TMEM135: variants seen among roughly 807,000 people sequenced by gnomAD.
The protein encoded by TMEM135 is transmembrane protein 135.
In TMEM135, 30 loss-of-function variants were observed where a neutral mutation model predicts 60.3. The observed-to-expected ratio is 0.50, with a 90% CI of 0.37 to 0.68. TMEM135 has a LOEUF of 0.68. Among genes scored for constraint, TMEM135 ranks in the 30% least tolerant of loss-of-function variants. TMEM135 has a pLI of 0.00. For missense variants in TMEM135, 468 were observed against 548.8 expected, an observed-to-expected ratio of 0.85 and a Z score of 1.47; for synonymous variants, 190 against 186.7, an observed-to-expected ratio of 1.02 and a Z score of -0.14.
At position 87,191,982 on chromosome 11, in the gene TMEM135, C is replaced by CTTTTTTTTTTTTTT. The variant is rs767550753; in HGVS notation, c.462+34580_462+34581insTTTTTTTTTTTTTT. Among the ~76,000 whole-genome samples the CTTTTTTTTTTTTTT allele has an allele frequency of 3.4e-4, 32 of 93,984 alleles. 1 individual carries two copies. The highest frequency in any genetic ancestry group is 5.8e-3 in the Middle Eastern group (1 of 172). The allele number at this position is 93,984 out of a possible 152,430, so 61.7% of individuals were successfully genotyped here. A position where few individuals can be genotyped will look rare whatever the true frequency, so the allele number is the denominator to read the frequency against. On this transcript the variant is annotated intron_variant, in intron 5 of 14. Coordinates refer to ENST00000305494, the MANE Select transcript of TMEM135 (RefSeq NM_022918.4). ...CTATTTCTTTTGTTTCTTTTCTTTT[C>CTTTTTTTTTTTTTT]TTTTCTTTTTTTTTTTTTTTTTTCG...
intron 5 of TMEM135, among the ~76,000 whole-genome samples, chr11:87,223,328 C>A (rs571038890): frequency 5.5e-5 from 8 of 146,188 alleles, no homozygotes; most frequent in African/African-American, 1.6e-4. Flanking sequence ...CCATGCCCAG[C>A]TAATTTTTTT....
rs1009266328 is a variant in TMEM135, at chr11:87,286,553, G to A, written c.510-9229G>A. The stretch of plus-strand genomic sequence containing the variant: ...CAGCCCTTAGGCGGTCGATGGGACC[G>A]GGGGCCACAGAGCAGGGGGCGGCGC... On this transcript the variant is annotated intron_variant, in intron 6 of 14. Coordinates refer to ENST00000305494, the MANE Select transcript of TMEM135 (RefSeq NM_022918.4). 9.8e-5 allele frequency among the ~76,000 whole-genome samples: 15 copies of A among 152,344 alleles called. No individual in the cohort carries two copies. The East Asian group carries it at 2.3e-3, about 23-fold the overall frequency.
At chr11:87,301,699 G>A in intron 7 of TMEM135, among the ~76,000 whole-genome samples, 1 of 152,198 alleles carries the variant, frequency 6.6e-6, no homozygotes, top group East Asian at 1.9e-4. Flanking sequence ...GGTGTAAACA[G>A]TGATACTGCA....
chr11:87,100,614 G>A (rs1281047649), intron 4 of TMEM135, among the ~76,000 whole-genome samples: 1 of 151,984 alleles, frequency 6.6e-6, no homozygotes, highest in Non-Finnish European at 1.5e-5. Flanking sequence ...AAAGTCATCT[G>A]TATTTTGGAG....
chr11:87,248,104 TG>T (rs2135387771), intron 6 of TMEM135, among the ~76,000 whole-genome samples: 1 of 152,290 alleles, frequency 6.6e-6, no homozygotes, highest in East Asian at 1.9e-4. Flanking sequence ...CATGTGTTGA[TG>T]GGAACTTATA....
intron 6 of TMEM135, among the ~76,000 whole-genome samples, chr11:87,284,088 T>A (rs1052682239): frequency 4.6e-5 from 7 of 151,000 alleles, no homozygotes; most frequent in Non-Finnish European, 3.0e-5. Context: ...TGCTAAATTT[T>A]TCCTTGGATT....
chr11:87,182,786 CTT>C (rs990435829), intron 5 of TMEM135, among the ~76,000 whole-genome samples: 22 of 151,936 alleles, frequency 1.4e-4, no homozygotes, highest in Admixed American at 6.6e-5. Context: ...ATAGATCTCA[CTT>C]TTAAAATTGT....
rs1272154311 is a variant in TMEM135 at position 87,049,862 on chromosome 11, C to T, written c.141+11676C>T. Among the ~76,000 whole-genome samples the T allele has an allele frequency of 6.1e-5, 7 of 115,310 alleles. 1 individual carries two copies. Among genetic ancestry groups the T allele is most frequent in the Non-Finnish European group, 8.9e-5 (5 of 56,458 alleles). 75.6% of individuals were successfully genotyped at this position (115,310 alleles called of 152,430 possible). On this transcript the variant is annotated intron_variant, in intron 1 of 14. Transcript: ENST00000305494. ...CTCCACCCCAAATCAACACAATATA[C>T]ATTTTTTTGAGCACCACACCACACC...
intron 4 of TMEM135, among the ~76,000 whole-genome samples, chr11:87,097,304 T>C (rs1022474538): frequency 1.3e-5 from 2 of 152,124 alleles, no homozygotes; most frequent in African/African-American, 2.4e-5. Flanking sequence ...GTTGCCACTC[T>C]TTTAATGAGC....
intron 4 of TMEM135, among the ~76,000 whole-genome samples, chr11:87,156,070 A>T (rs1320519836): frequency 6.6e-6 from 1 of 152,178 alleles, no homozygotes; most frequent in African/African-American, 2.4e-5. Context: ...TAAGCCTGTG[A>T]GGACAGTTTC....
At chr11:87,224,561 T>A (rs1940725438) in intron 5 of TMEM135, among the ~76,000 whole-genome samples, 1 of 152,180 alleles carries the variant, frequency 6.6e-6, no homozygotes, top group Non-Finnish European at 1.5e-5. Flanking sequence ...TTATTCTTAC[T>A]TGAGGTTAAT....
chr11:87,063,469 ATG>A (rs1949968335), intron 1 of TMEM135, among the ~76,000 whole-genome samples: 1 of 152,256 alleles, frequency 6.6e-6, no homozygotes, highest in Non-Finnish European at 1.5e-5. Flanking sequence ...GATTTTATAC[ATG>A]AGTGCAAGTG....
At chr11:87,204,859 G>C (rs1227098033) in intron 5 of TMEM135, among the ~76,000 whole-genome samples, 3 of 152,086 alleles carry the variant, frequency 2.0e-5, no homozygotes, top group Admixed American at 1.3e-4. Flanking sequence ...TGTTGTTCAA[G>C]GGTCAACTTA....
chr11:87,264,131 A>T (rs1468336573), intron 6 of TMEM135, among the ~76,000 whole-genome samples: 1 of 151,910 alleles, frequency 6.6e-6, no homozygotes, highest in Non-Finnish European at 1.5e-5. Flanking sequence ...AAATATTTCT[A>T]ATTAGTGCTG....
At chr11:87,059,691 A>G (rs1949927625) in intron 1 of TMEM135, among the ~76,000 whole-genome samples, 1 of 152,254 alleles carries the variant, frequency 6.6e-6, no homozygotes, top group South Asian at 2.1e-4. Flanking sequence ...CAACACAAGA[A>G]GGAATTGGGG....
intron 7 of TMEM135, among the ~76,000 whole-genome samples, chr11:87,299,647 G>A (rs1055098499): frequency 5.3e-5 from 8 of 152,160 alleles, no homozygotes; most frequent in Admixed American, 4.6e-4. Flanking sequence ...GAATACACTC[G>A]GGAATGAGCC....
intron 6 of TMEM135, among the ~76,000 whole-genome samples, chr11:87,264,524 A>G (rs1461221698): frequency 6.6e-6 from 1 of 151,876 alleles, no homozygotes; most frequent in African/African-American, 2.4e-5. Context: ...TATACTTTGC[A>G]TTAGCATATG....
At chr11:87,206,512 C>G (rs11235012) in intron 5 of TMEM135, among the ~76,000 whole-genome samples, 1 of 151,542 alleles carries the variant, frequency 6.6e-6, no homozygotes, top group Non-Finnish European at 1.5e-5. Context: ...TTGAAAAAAA[C>G]AGTATAAAAA....
At chr11:87,091,925 A>G (rs1857216257) in intron 4 of TMEM135, among the ~76,000 whole-genome samples, 1 of 152,148 alleles carries the variant, frequency 6.6e-6, no homozygotes, top group Non-Finnish European at 1.5e-5. Context: ...TTTAAAGTAA[A>G]TATATAATCA....
Sources: allele counts gnomAD v4.1 joint callset (sites outside exome capture counted in the v4.1 genomes callset), GRCh38; gene constraint gnomAD v4.1.1; transcripts MANE v1.5; gene names NCBI Gene and HGNC (gene_info 2026-07-23, HGNC 2026-07-21).